MAP2K6: variants seen among roughly 807,000 people sequenced by gnomAD.
MAP2K6 encodes mitogen-activated protein kinase kinase 6.
In MAP2K6, 16 loss-of-function variants were observed where a neutral mutation model predicts 53.7. That is an observed-to-expected ratio of 0.30 (90% confidence interval 0.20 to 0.45). MAP2K6 has a LOEUF of 0.45. Ranked by LOEUF, MAP2K6 falls within the 20% of genes least tolerant of loss-of-function variation. MAP2K6 has a pLI of 1.00. For missense variants in MAP2K6, 204 were observed against 411.9 expected (o/e 0.50, Z 4.37); for synonymous variants, 132 against 143.1 (o/e 0.92, Z 0.55).
At chr17:69,426,776 GA>G (rs1250886938) in intron 1 of MAP2K6, among the ~76,000 whole-genome samples, 1 of 148,776 alleles carries the variant, frequency 6.7e-6, no homozygotes, top group African/African-American at 2.5e-5. Flanking sequence ...CAATAAAATA[GA>G]GCAATTCTTT....
chr17:69,521,591 T>C (rs1427300092), intron 7 of MAP2K6: 2 of 152,532 alleles, frequency 1.3e-5, no homozygotes, highest in African/African-American at 4.8e-5. Context: ...TCTCTTCCTC[T>C]TTCCTTTTCT....
intron 5 of MAP2K6, 66 bp downstream of exon 5, chr17:69,519,498 G>C: frequency 6.3e-7 from 1 of 1,589,748 alleles, no homozygotes; most frequent in South Asian, 1.1e-5. Context: ...CTTTGATCAC[G>C]TAAATGCCTT....
chr17:69,526,531 T>C, intron 9 of MAP2K6, 39 bp from the exon 10 acceptor site: 1 of 1,604,090 alleles, frequency 6.2e-7, no homozygotes, highest in Non-Finnish European at 8.5e-7. Flanking sequence ...AAAGCAGCCC[T>C]GTTGAAACTG....
Position 69,544,657 on chromosome 17 carries a change from G to C in MAP2K6, c.*2904G>C, listed in dbSNP as rs1219833474. ...GATTTTGTATCATATAATTGTCCAT[G>C]TTATAATTTTTGAAAATGTTTATTA... On this transcript the variant is annotated 3_prime_UTR_variant, in exon 12 of 12. Coordinates refer to ENST00000590474, the MANE Select transcript of MAP2K6 (RefSeq NM_002758.4). 2 of 152,104 alleles carry C rather than the reference G, an allele frequency of 1.3e-5. No individual in the cohort carries two copies. The highest frequency in any genetic ancestry group is 2.9e-5 in the Non-Finnish European group (2 of 68,008). 9.4% of individuals were successfully genotyped at this position (152,104 alleles called of 1,614,324 possible).
intron 1 of MAP2K6, among the ~76,000 whole-genome samples, chr17:69,428,854 TTTTGTTTTTG>T (rs1467543734): frequency 1.8e-5 from 2 of 109,792 alleles, no homozygotes; most frequent in African/African-American, 9.6e-5. Flanking sequence ...TTTCTTCTGT[TTTTGTTTTTG>T]TTTTTTTTTT....
chr17:69,461,361 T>C (rs1907617496), intron 1 of MAP2K6, among the ~76,000 whole-genome samples: 1 of 152,178 alleles, frequency 6.6e-6, no homozygotes, highest in Non-Finnish European at 1.5e-5. Context: ...GTGGTCCCGA[T>C]GCAATGGAAA....
intron 1 of MAP2K6, among the ~76,000 whole-genome samples, chr17:69,503,353 C>T (rs1033112113): frequency 3.9e-5 from 6 of 152,196 alleles, no homozygotes; most frequent in African/African-American, 1.4e-4. Flanking sequence ...TAACTGGGTC[C>T]AGCACCTAGC....
intron 1 of MAP2K6, chr17:69,485,585 C>T: frequency 3.4e-6 from 1 of 297,478 alleles, no homozygotes; most frequent in Non-Finnish European, 5.0e-6. Context: ...CATGGGAAAT[C>T]TTGGCAGAAC....
At chr17:69,427,149 A>G (rs898676042) in intron 1 of MAP2K6, among the ~76,000 whole-genome samples, 1 of 152,216 alleles carries the variant, frequency 6.6e-6, no homozygotes, top group African/African-American at 2.4e-5. Flanking sequence ...TTCATTTTTT[A>G]TAACCTGCTA....
At chr17:69,460,693 T>C (rs1907596790) in intron 1 of MAP2K6, among the ~76,000 whole-genome samples, 1 of 152,166 alleles carries the variant, frequency 6.6e-6, no homozygotes, top group Non-Finnish European at 1.5e-5. Context: ...CTTGACCTCC[T>C]GGGCTCAAGT....
chr17:69,534,008 C>G (rs1284527261), intron 10 of MAP2K6, among the ~76,000 whole-genome samples: 1 of 152,206 alleles, frequency 6.6e-6, no homozygotes, highest in Non-Finnish European at 1.5e-5. Flanking sequence ...GTTTCTTAAT[C>G]TCTGCACTCA....
chr17:69,458,715 GT>G (rs1393575745), intron 1 of MAP2K6, among the ~76,000 whole-genome samples: 1 of 152,078 alleles, frequency 6.6e-6, no homozygotes, highest in African/African-American at 2.4e-5. Flanking sequence ...GTGTCTCCAC[GT>G]TTCAGGAAAG....
chr17:69,423,669 A>G (rs1906170690), intron 1 of MAP2K6, among the ~76,000 whole-genome samples: 2 of 152,128 alleles, frequency 1.3e-5, no homozygotes, highest in South Asian at 4.1e-4. Flanking sequence ...TAAGAATTGT[A>G]GGTCATTGCT....
intron 1 of MAP2K6, among the ~76,000 whole-genome samples, chr17:69,461,860 A>C (rs1907633041): frequency 6.6e-6 from 1 of 152,152 alleles, no homozygotes; most frequent in Admixed American, 6.5e-5. Flanking sequence ...CACATTACCA[A>C]ATAAAAAAGA....
intron 7 of MAP2K6, among the ~76,000 whole-genome samples, chr17:69,523,241 G>GCTCT (rs1210173354): frequency 1.3e-5 from 2 of 152,224 alleles, no homozygotes; most frequent in Non-Finnish European, 2.9e-5. Flanking sequence ...AAGTATGAGG[G>GCTCT]TAATGAAGAT....
At chr17:69,422,769 C>T (rs1176364315) in intron 1 of MAP2K6, among the ~76,000 whole-genome samples, 1 of 152,204 alleles carries the variant, frequency 6.6e-6, no homozygotes, top group African/African-American at 2.4e-5. Context: ...CCAATTTGCC[C>T]ATGGCTGGAT....
rs373232905 is a variant in MAP2K6, at chr17:69,415,017, A to G, written c.16+17A>G. ...AGTCGAAAGGTAAGAGGCTGTTTGC[A>G]TTAGTTGCAAAAATGCAAAGGGTTG... On this transcript the variant is annotated intron_variant, in intron 1 of 11. Transcript: ENST00000590474. 84 of 1,542,690 alleles carry G rather than the reference A, an allele frequency of 5.4e-5. No individual in the cohort carries two copies. Among genetic ancestry groups the G allele is most frequent in the Middle Eastern group, 1.7e-4 (1 of 5,966 alleles).
chr17:69,501,301 G>A (rs1309505971), intron 1 of MAP2K6, among the ~76,000 whole-genome samples: 4 of 152,120 alleles, frequency 2.6e-5, no homozygotes, highest in East Asian at 1.9e-4. Flanking sequence ...TCTGTTGACC[G>A]CGTGGGCTTC....
rs535074305 is a variant in MAP2K6, at chr17:69,427,928, C to T, written c.16+12928C>T. On this transcript the variant is annotated intron_variant, in intron 1 of 11. Transcript: ENST00000590474. ...CAGTCTGGAATAATTGTTTTCCATC[C>T]CGAGTTTCATTCTTTCTTTTTGATG... is the stretch of plus-strand genomic sequence containing the variant. Among the ~76,000 whole-genome samples, 6 of 152,164 alleles carry T rather than the reference C, an allele frequency of 3.9e-5. 1 individual carries two copies. Among genetic ancestry groups the T allele is most frequent in the Admixed American group, 3.3e-4 (5 of 15,284 alleles).
Sources: allele counts gnomAD v4.1 joint callset (sites outside exome capture counted in the v4.1 genomes callset), GRCh38; gene constraint gnomAD v4.1.1; transcripts MANE v1.5; gene names NCBI Gene and HGNC (gene_info 2026-07-23, HGNC 2026-07-21).